CDYL: variants seen among roughly 807,000 people sequenced by gnomAD.
CDYL encodes the protein chromodomain Y-like protein.
In CDYL, 8 loss-of-function variants were observed where a neutral mutation model predicts 47.3. The observed-to-expected ratio is 0.17, with a 90% confidence interval of 0.10 to 0.31. The LOEUF (loss-of-function observed/expected upper bound fraction) is 0.31. CDYL is among the 10% of genes least tolerant of loss of function. CDYL has a pLI of 1.00. For missense variants in CDYL, 471 were observed against 701.4 expected (o/e 0.67, Z 3.71); for synonymous variants, 266 against 265.0 (o/e 1.00, Z -0.04).
chr6:4,894,282 C>G (rs1402768471), intron 2 of CDYL, among the ~76,000 whole-genome samples: 1 of 152,138 alleles, frequency 6.6e-6, no homozygotes, highest in African/African-American at 2.4e-5. Context: ...TTGTTGCCTC[C>G]TGGACAGATA....
At chr6:4,855,692 C>T (rs1760985262) in intron 1 of CDYL, among the ~76,000 whole-genome samples, 1 of 152,172 alleles carries the variant, frequency 6.6e-6, no homozygotes, top group African/African-American at 2.4e-5. Context: ...TAGTTTACAT[C>T]ACAATCTACA....
chr6:4,938,761 TC>T (rs1482570045), intron 4 of CDYL, among the ~76,000 whole-genome samples: 1 of 152,260 alleles, frequency 6.6e-6, no homozygotes, highest in African/African-American at 2.4e-5. Flanking sequence ...CTTGCTTTTT[TC>T]ATGTGACAAT....
chr6:4,816,890 T>C (rs1202402471), intron 1 of CDYL, among the ~76,000 whole-genome samples: 1 of 152,176 alleles, frequency 6.6e-6, no homozygotes, highest in African/African-American at 2.4e-5. Context: ...TGAGACAGTA[T>C]AAAATTGTGT....
intron 1 of CDYL, among the ~76,000 whole-genome samples, chr6:4,786,510 CA>C (rs1038863081): frequency 7.3e-5 from 11 of 151,222 alleles, no homozygotes; most frequent in African/African-American, 2.4e-4. Flanking sequence ...TTAAGTAGTT[CA>C]AAAAAAATTT....
At chr6:4,916,011 C>T (rs1757546047) in intron 2 of CDYL, among the ~76,000 whole-genome samples, 1 of 152,200 alleles carries the variant, frequency 6.6e-6, no homozygotes, top group Admixed American at 6.5e-5. Context: ...ACCTGGAAGC[C>T]TCCCCACCCC....
At chr6:4,793,671 C>A (rs1483164013) in intron 1 of CDYL, among the ~76,000 whole-genome samples, 1 of 152,132 alleles carries the variant, frequency 6.6e-6, no homozygotes, top group Admixed American at 6.5e-5. Context: ...AGGAGGCTGG[C>A]AGGATAATCC....
chr6:4,753,295 C>G (rs1026968880), intron 3 of CDYL, among the ~76,000 whole-genome samples: 6 of 152,074 alleles, frequency 3.9e-5, no homozygotes, highest in Non-Finnish European at 8.8e-5. Context: ...GACAAGAGCT[C>G]CCTTAGAGGT....
At chr6:4,768,688 A>G (rs1758292530) in intron 3 of CDYL, among the ~76,000 whole-genome samples, 1 of 152,180 alleles carries the variant, frequency 6.6e-6, no homozygotes, top group South Asian at 2.1e-4. Context: ...CATAATCCTC[A>G]TTTCTTAAGT....
Position 4,892,035 on chromosome 6 carries a change from G to C in CDYL, c.347G>C (p.Ser116Thr), listed in dbSNP as rs1240616049. 6.2e-7 allele frequency: 1 copy of C among 1,614,202 alleles called. No individual in the cohort carries two copies. The highest frequency in any genetic ancestry group is 1.3e-5 in the African/African-American group (1 of 75,052). The change falls in exon 2 of 7, where the codon AGC becomes ACC. Residue 116 changes from serine to threonine, a missense_variant. Physicochemically the swap from Ser to Thr is moderately conservative, Grantham distance 58. Coordinates refer to ENST00000397588, the MANE Select transcript of CDYL (RefSeq NM_004824.4). The part of the protein sequence containing the change: ...ESKNSQLFAA[S>T]QKFRKNTAPS... ...AAAAACAGCCAGCTGTTTGCTGCCA[G>C]CCAGAAGTTCAGGAAGAACACAGCT...
At chr6:4,725,678 G>A (rs1170303329) in intron 2 of CDYL, among the ~76,000 whole-genome samples, 2 of 152,210 alleles carry the variant, frequency 1.3e-5, no homozygotes, top group Non-Finnish European at 2.9e-5. Context: ...GGTTCCGCCC[G>A]CGCCTCTCCC....
intron 2 of CDYL, among the ~76,000 whole-genome samples, chr6:4,721,928 T>C (rs1455895550): frequency 6.6e-6 from 1 of 151,950 alleles, no homozygotes; most frequent in African/African-American, 2.4e-5. Flanking sequence ...AGTAGCGTGA[T>C]TTCGGCTCAC....
chr6:4,891,656 C>T (rs1251885580), intron 1 of CDYL, 57 bp from the exon 2 acceptor site: 2 of 1,397,726 alleles, frequency 1.4e-6, no homozygotes, highest in African/African-American at 1.5e-5. Context: ...ATGAAACTTG[C>T]ACTTTTCCCC....
chr6:4,875,663 G>T (rs1761600382), intron 1 of CDYL, among the ~76,000 whole-genome samples: 1 of 152,074 alleles, frequency 6.6e-6, no homozygotes, highest in Admixed American at 6.5e-5. Flanking sequence ...TTTCTGGTTG[G>T]TTGGTTGTGT....
At chr6:4,920,739 C>G (rs1015349878) in intron 2 of CDYL, among the ~76,000 whole-genome samples, 5 of 152,192 alleles carry the variant, frequency 3.3e-5, no homozygotes, top group Non-Finnish European at 7.3e-5. Context: ...CTGCCTCCGC[C>G]TCTGGAGGTG....
chr6:4,908,376 G>A (rs1757302803), intron 2 of CDYL, among the ~76,000 whole-genome samples: 1 of 152,152 alleles, frequency 6.6e-6, no homozygotes, highest in Non-Finnish European at 1.5e-5. Context: ...ATGGATAGGT[G>A]GTATGTCCTT....
intron 3 of CDYL, among the ~76,000 whole-genome samples, chr6:4,742,676 T>C (rs753231420): frequency 2.0e-5 from 3 of 152,230 alleles, no homozygotes; most frequent in Non-Finnish European, 4.4e-5. Context: ...AAGACTCCCT[T>C]TGGGGGCAGA....
chr6:4,783,834 T>A (rs1360116461), intron 1 of CDYL, among the ~76,000 whole-genome samples: 1 of 152,112 alleles, frequency 6.6e-6, no homozygotes, highest in African/African-American at 2.4e-5. Flanking sequence ...CGACAATGTA[T>A]TTTGTGTGAT....
chr6:4,725,528 C>T (rs532029697), intron 2 of CDYL, among the ~76,000 whole-genome samples: 1 of 152,376 alleles, frequency 6.6e-6, no homozygotes. Flanking sequence ...AGCACAGCAG[C>T]TGCTGGCCCA....
intron 5 of CDYL, among the ~76,000 whole-genome samples, chr6:4,951,605 C>T (rs375334821): frequency 6.6e-6 from 1 of 151,840 alleles, no homozygotes; most frequent in African/African-American, 2.4e-5. Context: ...AAGCAGATTA[C>T]GGTCATTTTT....
Sources: allele counts gnomAD v4.1 joint callset (sites outside exome capture counted in the v4.1 genomes callset), GRCh38; gene constraint gnomAD v4.1.1; transcripts MANE v1.5; gene names NCBI Gene and HGNC (gene_info 2026-07-23, HGNC 2026-07-21).